The following EYS variants were observed in gnomAD, a reference collection of about 807,000 sequenced individuals.
The protein encoded by EYS is EGF-like photoreceptor maintenance factor.
In EYS, 250 loss-of-function variants were observed where a neutral mutation model predicts 282.1. The observed-to-expected ratio is 0.89, with a 90% CI of 0.80 to 0.98. EYS has a LOEUF of 0.98. Among genes scored for constraint, EYS ranks in the 50% least tolerant of loss-of-function variants. The pLI is 0.00. For synonymous variants in EYS, 1,355 were observed against 1,282.9 expected, an observed-to-expected ratio of 1.06 and a Z score of -1.20; for missense variants, 4,016 against 3,709.0, an observed-to-expected ratio of 1.08 and a Z score of -2.15.
At chr6:64,204,178 A>C (rs546351814) in intron 31 of EYS, among the ~76,000 whole-genome samples, 3 of 152,178 alleles carry the variant, frequency 2.0e-5, no homozygotes, top group Non-Finnish European at 4.4e-5. Flanking sequence ...ATATGTATTG[A>C]TGTGTCAGTT....
intron 30 of EYS, among the ~76,000 whole-genome samples, chr6:64,233,632 T>C (rs1766496964): frequency 6.6e-6 from 1 of 152,164 alleles, no homozygotes; most frequent in Non-Finnish European, 1.5e-5. Context: ...AGTGTGAAAA[T>C]CTGTCTGATC....
At chr6:65,442,979 TAC>T (rs1768425345) in intron 5 of EYS, among the ~76,000 whole-genome samples, 1 of 121,650 alleles carries the variant, frequency 8.2e-6, no homozygotes, top group African/African-American at 2.5e-5. Flanking sequence ...TATGTATATA[TAC>T]ATATGTGCGT....
At chr6:65,253,507 T>C (rs1303264775) in intron 12 of EYS, among the ~76,000 whole-genome samples, 2 of 151,926 alleles carry the variant, frequency 1.3e-5, no homozygotes, top group African/African-American at 4.8e-5. Flanking sequence ...CTGTAATTTT[T>C]ATATATTTGA....
intron 31 of EYS, among the ~76,000 whole-genome samples, chr6:64,205,140 A>G (rs1395896303): frequency 6.6e-6 from 1 of 152,178 alleles, no homozygotes; most frequent in Non-Finnish European, 1.5e-5. Flanking sequence ...CCAATTTCTA[A>G]TTAAGATTCA....
chr6:63,910,755 AC>A (rs1385604638), intron 35 of EYS, among the ~76,000 whole-genome samples: 1 of 152,180 alleles, frequency 6.6e-6, no homozygotes, highest in African/African-American at 2.4e-5. Flanking sequence ...TTTCAAGTGT[AC>A]CTTTTTTTTC....
At chr6:63,745,623 C>A (rs1238110241) in intron 41 of EYS, among the ~76,000 whole-genome samples, 1 of 152,064 alleles carries the variant, frequency 6.6e-6, no homozygotes, top group Admixed American at 6.6e-5. Flanking sequence ...CTAACAAACA[C>A]TAAGGAAATT....
intron 12 of EYS, among the ~76,000 whole-genome samples, chr6:65,134,915 C>T (rs1272893512): frequency 6.6e-6 from 1 of 151,654 alleles, no homozygotes; most frequent in Non-Finnish European, 1.5e-5. Context: ...ACTGTCCAGA[C>T]CTAGAAAAAA....
chr6:65,447,912 T>C (rs1354899100), intron 5 of EYS, among the ~76,000 whole-genome samples: 1 of 152,000 alleles, frequency 6.6e-6, no homozygotes, highest in African/African-American at 2.4e-5. Flanking sequence ...AAGGAAACAA[T>C]GTACAAAGAC....
chr6:64,150,929 A>G (rs1774681989), intron 31 of EYS, among the ~76,000 whole-genome samples: 1 of 152,200 alleles, frequency 6.6e-6, no homozygotes, highest in South Asian at 2.1e-4. Context: ...TGTCATCTTC[A>G]TACTTTTTAT....
At position 64,948,051 on chromosome 6, in the gene EYS, A is replaced by C. The variant is rs1027725058; in HGVS notation, c.2260-2137T>G. 5.3e-5 allele frequency among the ~76,000 whole-genome samples: 8 copies of C among 151,862 alleles called. 1 individual carries two copies. The highest frequency in any genetic ancestry group is 4.6e-4 in the Admixed American group (7 of 15,186). On this transcript the variant is annotated intron_variant, in intron 14 of 42. Transcript: ENST00000503581. Reference sequence around the variant, plus strand: ...AAGCTAATAACTATTGGTATTTTCAATAACTTGATAATTAGTAGAAAATTG... The same window carrying C: ...AAGCTAATAACTATTGGTATTTTCACTAACTTGATAATTAGTAGAAAATTG...
intron 33 of EYS, among the ~76,000 whole-genome samples, chr6:64,000,958 C>A (rs1768070303): frequency 6.6e-6 from 1 of 151,960 alleles, no homozygotes; most frequent in South Asian, 2.1e-4. Flanking sequence ...CAAATTGTGT[C>A]ATAAGAAACA....
intron 21 of EYS, among the ~76,000 whole-genome samples, chr6:64,817,354 T>C (rs75002947): frequency 1.3e-5 from 2 of 152,284 alleles, no homozygotes; most frequent in African/African-American, 2.4e-5. Flanking sequence ...ATCCACTATG[T>C]ACTAATGAAA....
At chr6:65,685,169 G>T (rs1349372795) in intron 1 of EYS, among the ~76,000 whole-genome samples, 3 of 151,970 alleles carry the variant, frequency 2.0e-5, no homozygotes, top group Non-Finnish European at 4.4e-5. Flanking sequence ...CAGGTGAGTA[G>T]GGACAAAGTC....
chr6:63,963,281 G>A (rs1286968799), intron 35 of EYS, among the ~76,000 whole-genome samples: 1 of 151,108 alleles, frequency 6.6e-6, no homozygotes, highest in African/African-American at 2.4e-5. Flanking sequence ...AAAAAAAAAA[G>A]AAATGCTAAT....
At chr6:65,577,653 A>C (rs962754736) in intron 2 of EYS, among the ~76,000 whole-genome samples, 4 of 151,800 alleles carry the variant, frequency 2.6e-5, no homozygotes, top group African/African-American at 9.7e-5. Context: ...ACCAAATTGT[A>C]GAATATATTA....
chr6:64,093,054 A>G (rs557735456), intron 31 of EYS, among the ~76,000 whole-genome samples: 1 of 152,258 alleles, frequency 6.6e-6, no homozygotes, highest in African/African-American at 2.4e-5. Context: ...GTCAAATATC[A>G]GATAGTTGTA....
intron 18 of EYS, among the ~76,000 whole-genome samples, chr6:64,887,140 T>C (rs1767118207): frequency 6.6e-6 from 1 of 151,728 alleles, no homozygotes; most frequent in South Asian, 2.1e-4. Flanking sequence ...GGGACATGGA[T>C]GAAGCTGGAA....
chr6:63,760,116 A>G (rs796294505), intron 41 of EYS, among the ~76,000 whole-genome samples: 33 of 152,214 alleles, frequency 2.2e-4, no homozygotes, highest in African/African-American at 6.7e-4. Flanking sequence ...AACATTTTCA[A>G]TATTTGCTGG....
chr6:64,110,389 A>G (rs1335006887), intron 31 of EYS, among the ~76,000 whole-genome samples: 1 of 151,964 alleles, frequency 6.6e-6, no homozygotes, highest in Non-Finnish European at 1.5e-5. Context: ...CACTGAGGGG[A>G]TGGATATACC....
Sources: gnomAD v4.1 joint callset for allele counts (sites outside exome capture counted in the v4.1 genomes callset) on GRCh38, gnomAD v4.1.1 for gene constraint, MANE v1.5 for transcripts, NCBI Gene and HGNC (gene_info 2026-07-23, HGNC 2026-07-21) for gene names.